The following ADAM22 variants were observed in gnomAD, a reference collection of about 807,000 sequenced individuals.
ADAM22 encodes the protein ADAM metallopeptidase domain 22, also known as disintegrin and metalloproteinase domain-containing protein 22.
ADAM22 carries 65 observed loss-of-function variants against 144.6 expected under a neutral mutation model. The ratio of observed to expected loss-of-function variants is 0.45; its 90% CI spans 0.37 to 0.55. The LOEUF (loss-of-function observed/expected upper bound fraction) is 0.55. ADAM22 is among the 20% of genes least tolerant of loss of function. The pLI is 0.00. For missense variants in ADAM22, 974 were observed against 1,184.9 expected, an observed-to-expected ratio of 0.82 and a Z score of 2.61; for synonymous variants, 391 against 412.6, an observed-to-expected ratio of 0.95 and a Z score of 0.63.
chr7:88,192,091 G>A (rs974913675), intron 30 of ADAM22, among the ~76,000 whole-genome samples: 29 of 152,014 alleles, frequency 1.9e-4, no homozygotes, highest in African/African-American at 5.6e-4. Flanking sequence ...TGCTACCCCC[G>A]CCCCTCCCAC....
At chr7:88,166,146 CT>C (rs1258184722) in intron 24 of ADAM22, among the ~76,000 whole-genome samples, 200 bp downstream of exon 24, 1 of 152,036 alleles carries the variant, frequency 6.6e-6, no homozygotes, top group Non-Finnish European at 1.5e-5. Flanking sequence ...ATAACTTAGT[CT>C]ATTTGATTTA....
chr7:88,031,835 A>G (rs1280345143), intron 3 of ADAM22, among the ~76,000 whole-genome samples: 1 of 152,066 alleles, frequency 6.6e-6, no homozygotes, highest in East Asian at 1.9e-4. Flanking sequence ...TGTCCCAGCC[A>G]CTCCAGCTCC....
At chr7:88,071,548 T>A (rs1033686697) in intron 3 of ADAM22, among the ~76,000 whole-genome samples, 1 of 152,100 alleles carries the variant, frequency 6.6e-6, no homozygotes, top group Non-Finnish European at 1.5e-5. Flanking sequence ...TCCCAAACCT[T>A]TGTATAATAC....
At chr7:87,975,625 C>A (rs1851728539) in intron 2 of ADAM22, among the ~76,000 whole-genome samples, 1 of 152,040 alleles carries the variant, frequency 6.6e-6, no homozygotes, top group Non-Finnish European at 1.5e-5. Context: ...AAATAAGATA[C>A]CAGATGTAAA....
At chr7:88,055,284 C>T (rs982578516) in intron 3 of ADAM22, among the ~76,000 whole-genome samples, 1 of 151,750 alleles carries the variant, frequency 6.6e-6, no homozygotes, top group African/African-American at 2.4e-5. Context: ...GTAATCCCAG[C>T]ATTTCAGGAG....
intron 25 of ADAM22, among the ~76,000 whole-genome samples, chr7:88,168,661 T>G (rs1843488035): frequency 6.6e-6 from 1 of 152,244 alleles, no homozygotes; most frequent in Non-Finnish European, 1.5e-5. Context: ...CAATTTCCTT[T>G]TTAAGTGCTT....
At chr7:88,100,745 G>GC (rs1822690280) in intron 4 of ADAM22, among the ~76,000 whole-genome samples, 1 of 152,012 alleles carries the variant, frequency 6.6e-6, no homozygotes, top group South Asian at 2.1e-4. Flanking sequence ...TGAACTCCTG[G>GC]CCTCAAGTGA....
intron 31 of ADAM22, among the ~76,000 whole-genome samples, chr7:88,193,483 A>G (rs2129541268): frequency 6.6e-6 from 1 of 152,340 alleles, no homozygotes; most frequent in African/African-American, 2.4e-5. Flanking sequence ...TAATTATTGT[A>G]GCTAATTTAT....
At chr7:87,948,154 C>G (rs1185039232) in intron 2 of ADAM22, among the ~76,000 whole-genome samples, 1 of 151,902 alleles carries the variant, frequency 6.6e-6, no homozygotes, top group Non-Finnish European at 1.5e-5. Context: ...TCGGTATGAC[C>G]CTTGGTTTAT....
chr7:88,112,997 C>T (rs1826457573), intron 5 of ADAM22, among the ~76,000 whole-genome samples: 1 of 152,248 alleles, frequency 6.6e-6, no homozygotes, highest in African/African-American at 2.4e-5. Flanking sequence ...GTTGGGATTC[C>T]AGATGTGAGC....
At position 87,965,434 on chromosome 7, in the gene ADAM22, A is replaced by T. The variant is rs536616423; in HGVS notation, c.247-12902A>T. On this transcript the variant is annotated intron_variant, in intron 2 of 31. Transcript: ENST00000413139. ...AGTTTGAAACATAGTTCCATAGTTT[A>T]TTATATGTAAATGTGTGAGCAGAAC... is the stretch of plus-strand genomic sequence containing the variant. 2.6e-5 allele frequency among the ~76,000 whole-genome samples: 4 copies of T among 152,308 alleles called. No individual in the cohort carries two copies. The South Asian group carries it at 8.3e-4, about 32-fold the overall frequency.
At chr7:87,936,138 T>A (rs1841203349) in intron 2 of ADAM22, among the ~76,000 whole-genome samples, 1 of 151,592 alleles carries the variant, frequency 6.6e-6, no homozygotes, top group African/African-American at 2.4e-5. Context: ...TTATACTAAC[T>A]TATCTGTATG....
intron 2 of ADAM22, among the ~76,000 whole-genome samples, chr7:87,938,627 G>C (rs911307786): frequency 6.6e-6 from 1 of 151,882 alleles, no homozygotes. Context: ...TTCTTTAAAA[G>C]GCATTTATTT....
At chr7:88,169,762 T>C (rs1022367721) in intron 25 of ADAM22, among the ~76,000 whole-genome samples, 1 of 152,150 alleles carries the variant, frequency 6.6e-6, no homozygotes, top group Non-Finnish European at 1.5e-5. Context: ...TAGCTCTGTG[T>C]TGGAATCACA....
intron 17 of ADAM22, among the ~76,000 whole-genome samples, chr7:88,147,671 T>C (rs914078052): frequency 5.9e-5 from 9 of 152,188 alleles, no homozygotes; most frequent in African/African-American, 2.2e-4. Flanking sequence ...TTGGCAAGGA[T>C]TTTGGTTGAT....
rs369848303 is a variant in ADAM22, at chr7:88,090,909, T to C, written c.390+15217T>C. 3.4e-4 allele frequency among the ~76,000 whole-genome samples: 52 copies of C among 152,310 alleles called. No homozygotes were observed. In the East Asian group the frequency reaches 3.5e-3, roughly 10 times the overall value. On this transcript the variant is annotated intron_variant, in intron 4 of 31. Transcript: ENST00000413139. ...GCCCATTTTTAAGTACTTTCATTTT[T>C]AAATAGTGAATTGTGTCAGAGGAAT...
At chr7:88,090,241 A>G (rs1168372006) in intron 4 of ADAM22, among the ~76,000 whole-genome samples, 1 of 152,220 alleles carries the variant, frequency 6.6e-6, no homozygotes, top group Non-Finnish European at 1.5e-5. Context: ...CTCTGAGAGC[A>G]GAACTTTTGG....
At chr7:88,138,993 G>A (rs1833834359) in intron 14 of ADAM22, among the ~76,000 whole-genome samples, 1 of 152,190 alleles carries the variant, frequency 6.6e-6, no homozygotes, top group South Asian at 2.1e-4. Flanking sequence ...ACCCCTGAGG[G>A]TGCTTTTACA....
chr7:87,940,682 A>G (rs1174210476), intron 2 of ADAM22, among the ~76,000 whole-genome samples: 1 of 152,204 alleles, frequency 6.6e-6, no homozygotes, highest in East Asian at 1.9e-4. Context: ...TAGTCAAAGT[A>G]ATTATATTTG....
Sources: gnomAD v4.1 joint callset for allele counts (sites outside exome capture counted in the v4.1 genomes callset) on GRCh38, gnomAD v4.1.1 for gene constraint, MANE v1.5 for transcripts, NCBI Gene and HGNC (gene_info 2026-07-23, HGNC 2026-07-21) for gene names.